GRID2: variants seen among roughly 807,000 people sequenced by gnomAD.
The protein encoded by GRID2 is glutamate ionotropic receptor delta type subunit 2.
A neutral mutation model predicts 114.8 loss-of-function variants in GRID2; 33 were observed. That is an observed-to-expected ratio of 0.29 (90% CI 0.22 to 0.38). GRID2 has a LOEUF of 0.38. Among genes scored for constraint, GRID2 ranks in the 10% least tolerant of loss-of-function variants. GRID2 has a pLI of 1.00. For synonymous variants in GRID2, 505 were observed against 449.9 expected, an observed-to-expected ratio of 1.12 and a Z score of -1.55; for missense variants, 1,184 against 1,257.7, an observed-to-expected ratio of 0.94 and a Z score of 0.89.
At chr4:92,815,279 G>T (rs962938042) in intron 2 of GRID2, among the ~76,000 whole-genome samples, 5 of 152,004 alleles carry the variant, frequency 3.3e-5, no homozygotes, top group Admixed American at 2.6e-4. Context: ...GCACATTATT[G>T]TGCTTAGTAA....
intron 8 of GRID2, among the ~76,000 whole-genome samples, chr4:93,311,566 G>A (rs1308288832): frequency 1.3e-5 from 2 of 152,316 alleles, no homozygotes; most frequent in African/African-American, 4.8e-5. Context: ...TTTAAAGCAA[G>A]CTAGCAAATT....
At chr4:93,716,438 A>T (rs1728910127) in intron 14 of GRID2, among the ~76,000 whole-genome samples, 2 of 152,172 alleles carry the variant, frequency 1.3e-5, no homozygotes, top group Admixed American at 1.3e-4. Context: ...AAAATATAGC[A>T]GGGACATAAT....
intron 8 of GRID2, among the ~76,000 whole-genome samples, chr4:93,288,585 C>A (rs1414917739): frequency 6.6e-6 from 1 of 152,188 alleles, no homozygotes; most frequent in Non-Finnish European, 1.5e-5. Flanking sequence ...GCTAATAACT[C>A]TGAGTTTCCT....
intron 1 of GRID2, among the ~76,000 whole-genome samples, chr4:92,566,174 A>G (rs1012357285): frequency 6.6e-6 from 1 of 151,948 alleles, no homozygotes; most frequent in Non-Finnish European, 1.5e-5. Context: ...GGTATGTGTG[A>G]TGCATGTTAA....
At chr4:93,294,750 G>C (rs1388698334) in intron 8 of GRID2, among the ~76,000 whole-genome samples, 1 of 152,032 alleles carries the variant, frequency 6.6e-6, no homozygotes, top group African/African-American at 2.4e-5. Context: ...AGTACAGATG[G>C]AGTTTTGCCA....
At chr4:92,519,907 C>T (rs1724682301) in intron 1 of GRID2, among the ~76,000 whole-genome samples, 1 of 151,774 alleles carries the variant, frequency 6.6e-6, no homozygotes, top group Non-Finnish European at 1.5e-5. Context: ...TAAGGTCCAC[C>T]CATATTGGGG....
At chr4:93,467,975 G>A (rs1158259290) in intron 11 of GRID2, among the ~76,000 whole-genome samples, 1 of 152,084 alleles carries the variant, frequency 6.6e-6, no homozygotes, top group Admixed American at 6.6e-5. Context: ...CTTTCCAGAA[G>A]ACCAGTTTAT....
At chr4:93,141,146 A>G (rs1034483131) in intron 4 of GRID2, among the ~76,000 whole-genome samples, 1 of 152,046 alleles carries the variant, frequency 6.6e-6, no homozygotes, top group South Asian at 2.1e-4. Flanking sequence ...GTTATTTATT[A>G]CTATTTTGTA....
At chr4:93,463,266 G>A (rs1383415450) in intron 11 of GRID2, among the ~76,000 whole-genome samples, 1 of 152,142 alleles carries the variant, frequency 6.6e-6, no homozygotes, top group Non-Finnish European at 1.5e-5. Context: ...GGAGTAATTT[G>A]TGTACTAGAA....
chr4:93,466,532 G>T (rs575322716), intron 11 of GRID2, among the ~76,000 whole-genome samples: 1 of 152,270 alleles, frequency 6.6e-6, no homozygotes, highest in Admixed American at 6.5e-5. Flanking sequence ...TTAGGGGGCA[G>T]TTTATGCAGA....
intron 14 of GRID2, among the ~76,000 whole-genome samples, chr4:93,716,405 T>C (rs962774196): frequency 2.0e-5 from 3 of 152,206 alleles, no homozygotes; most frequent in African/African-American, 7.2e-5. Flanking sequence ...GTGCCAGTTC[T>C]GTAATCTGTG....
Position 92,304,279 on chromosome 4 carries a change from T to G in GRID2, c.-378T>G. 4.1e-6 allele frequency: 1 copy of G among 241,070 alleles called. No individual in the cohort carries two copies. The highest frequency in any genetic ancestry group is 8.0e-6 in the Non-Finnish European group (1 of 124,666). The allele number at this position is 241,070 out of a possible 1,614,324, so 14.9% of individuals were successfully genotyped here. A position where few individuals can be genotyped will look rare whatever the true frequency, so the allele number is the denominator to read the frequency against. On this transcript the variant is annotated 5_prime_UTR_variant, in exon 1 of 16. Coordinates refer to ENST00000282020, the MANE Select transcript of GRID2 (RefSeq NM_001510.4). ...CCGGCGTGAGGGGGGTGTTGGAAGTTGCAGCGGAGCTGGGACCGGAGACCC... is the reference window on the plus strand; with the variant it reads ...CCGGCGTGAGGGGGGTGTTGGAAGTGGCAGCGGAGCTGGGACCGGAGACCC...
intron 4 of GRID2, among the ~76,000 whole-genome samples, chr4:93,119,674 A>T (rs1733601068): frequency 6.6e-6 from 1 of 152,102 alleles, no homozygotes; most frequent in South Asian, 2.1e-4. Flanking sequence ...ATTGTACTAT[A>T]CCCTAGGTTC....
chr4:93,072,665 A>G (rs913861092), intron 2 of GRID2, among the ~76,000 whole-genome samples: 61 of 152,058 alleles, frequency 4.0e-4, no homozygotes, highest in African/African-American at 1.1e-3. Context: ...AAAAAAAAAA[A>G]GACTCACATA....
chr4:93,416,329 A>G (rs540415099), intron 9 of GRID2, among the ~76,000 whole-genome samples: 1 of 152,232 alleles, frequency 6.6e-6, no homozygotes, highest in Non-Finnish European at 1.5e-5. Flanking sequence ...GGAATGTGTC[A>G]TCTTTGAGCA....
At chr4:93,459,063 C>T (rs914481944) in intron 11 of GRID2, among the ~76,000 whole-genome samples, 3 of 151,344 alleles carry the variant, frequency 2.0e-5, no homozygotes, top group African/African-American at 2.4e-5. Context: ...GCCTGTAATC[C>T]CAGCTACTCA....
chr4:92,423,753 A>G (rs932762363), intron 1 of GRID2, among the ~76,000 whole-genome samples: 1 of 152,102 alleles, frequency 6.6e-6, no homozygotes, highest in Non-Finnish European at 1.5e-5. Flanking sequence ...TGGGTGCAAG[A>G]GAGAACCAGG....
chr4:93,606,853 C>T (rs376374609), intron 13 of GRID2, among the ~76,000 whole-genome samples: 1 of 152,050 alleles, frequency 6.6e-6, no homozygotes, highest in Non-Finnish European at 1.5e-5. Flanking sequence ...TATTATTTTA[C>T]TGTATATGTT....
At chr4:93,533,394 T>C (rs1228061930) in intron 13 of GRID2, among the ~76,000 whole-genome samples, 1 of 150,398 alleles carries the variant, frequency 6.6e-6, no homozygotes, top group Non-Finnish European at 1.5e-5. Context: ...TTTCTTTCTT[T>C]CTTTTTTGAC....
Sources: gnomAD v4.1 joint callset for allele counts (sites outside exome capture counted in the v4.1 genomes callset) on GRCh38, gnomAD v4.1.1 for gene constraint, MANE v1.5 for transcripts, NCBI Gene and HGNC (gene_info 2026-07-23, HGNC 2026-07-21) for gene names.